MTM1: variants seen among roughly 807,000 people sequenced by gnomAD.
MTM1 encodes the protein myotubularin 1, also known as myotubularin.
In MTM1, 9 loss-of-function variants were observed where a neutral mutation model predicts 52.1. The observed-to-expected ratio is 0.17, with a 90% CI of 0.10 to 0.30. The LOEUF (loss-of-function observed/expected upper bound fraction) is 0.30, where lower values mean the gene tolerates loss of function less well. MTM1 is among the 10% of genes least tolerant of loss of function. MTM1 has a pLI of 1.00. For missense variants in MTM1, 277 were observed against 470.7 expected (o/e 0.59, Z 3.81); for synonymous variants, 136 against 163.8 (o/e 0.83, Z 1.29).
At chrX:150,600,199 C>G (rs1057513376) in intron 4 of MTM1, among the ~76,000 whole-genome samples, 13 of 111,666 alleles carry the variant, frequency 1.2e-4, no homozygotes, top group Non-Finnish European at 2.4e-4. Context: ...AGAAGACATG[C>G]ATTTCCAATG....
At chrX:150,603,579 A>G (rs1276389543) in intron 4 of MTM1, among the ~76,000 whole-genome samples, 3 of 111,954 alleles carry the variant, frequency 2.7e-5, no homozygotes, top group Non-Finnish European at 3.8e-5. Flanking sequence ...GAGTTGAACA[A>G]ACTTTCACTT....
At chrX:150,580,965 T>C (rs2038572089) in intron 1 of MTM1, among the ~76,000 whole-genome samples, 1 of 111,952 alleles carries the variant, frequency 8.9e-6, no homozygotes, top group African/African-American at 3.2e-5. Flanking sequence ...AAAAGCCCCA[T>C]GTAGAGGAAG....
intron 1 of MTM1, among the ~76,000 whole-genome samples, chrX:150,586,913 CAA>C (rs10618246): frequency 2.0e-4 from 12 of 60,689 alleles, no homozygotes; most frequent in Non-Finnish European, 1.2e-4. Flanking sequence ...CACTCTGTCT[CAA>C]AAAAAAAAAA....
At chrX:150,649,350 G>A (rs1251305761) in intron 9 of MTM1, among the ~76,000 whole-genome samples, 9 of 112,460 alleles carry the variant, frequency 8.0e-5, no homozygotes, top group Admixed American at 6.6e-4. Flanking sequence ...GCTGCCTCCC[G>A]CCTTCCCCCT....
chrX:150,667,714 C>T (rs1423078811), intron 14 of MTM1, among the ~76,000 whole-genome samples: 1 of 112,228 alleles, frequency 8.9e-6, no homozygotes, highest in African/African-American at 3.2e-5. Flanking sequence ...TCACAGTGAT[C>T]ATAGGGAGAA....
intron 9 of MTM1, among the ~76,000 whole-genome samples, chrX:150,647,193 G>GAA (rs1434771542): frequency 4.4e-5 from 1 of 22,677 alleles, no homozygotes; most frequent in Non-Finnish European, 6.5e-5. Context: ...ATTTCAGGGT[G>GAA]AATATATATA....
intron 1 of MTM1, among the ~76,000 whole-genome samples, chrX:150,583,173 A>G (rs1557411954): frequency 2.6e-5 from 2 of 76,041 alleles, no homozygotes; most frequent in Non-Finnish European, 4.5e-5. Context: ...ATATTATATA[A>G]ATTATAAATA....
intron 4 of MTM1, among the ~76,000 whole-genome samples, chrX:150,606,689 C>T (rs184090147): frequency 7.2e-5 from 8 of 111,614 alleles, no homozygotes; most frequent in Admixed American, 4.7e-4. Flanking sequence ...TTACACCTTT[C>T]TCCTCTGGAG....
intron 9 of MTM1, among the ~76,000 whole-genome samples, chrX:150,646,951 C>G (rs1213974577): frequency 9.0e-5 from 10 of 111,223 alleles, no homozygotes; most frequent in Admixed American, 8.6e-4. Context: ...CACATTTAAT[C>G]CTGGGCCACC....
chrX:150,630,813 A>G (rs781910693), intron 6 of MTM1, among the ~76,000 whole-genome samples: 1 of 111,717 alleles, frequency 9.0e-6, no homozygotes, highest in African/African-American at 3.3e-5. Context: ...GACTCACTGG[A>G]CTCATATTGT....
chrX:150,642,258 G>T (rs782226590), intron 8 of MTM1, among the ~76,000 whole-genome samples: 1 of 110,630 alleles, frequency 9.0e-6, no homozygotes, highest in Non-Finnish European at 1.9e-5. Flanking sequence ...TAATTCACTT[G>T]TTATACACTT....
chrX:150,642,427 A>C (rs1557413875), intron 8 of MTM1, among the ~76,000 whole-genome samples: 1 of 112,308 alleles, frequency 8.9e-6, no homozygotes, highest in East Asian at 2.8e-4. Context: ...TTTACCCATT[A>C]AAATTAATAA....
At chrX:150,650,528 T>C (rs1557414159) in intron 10 of MTM1, among the ~76,000 whole-genome samples, 1 of 111,575 alleles carries the variant, frequency 9.0e-6, no homozygotes, top group East Asian at 2.8e-4. Flanking sequence ...ACCCTTCATC[T>C]GCAAGTGGTG....
intron 14 of MTM1, among the ~76,000 whole-genome samples, chrX:150,667,275 C>T (rs1321555007): frequency 8.1e-5 from 9 of 111,717 alleles, no homozygotes; most frequent in Non-Finnish European, 1.7e-4. Flanking sequence ...CTTCTTCAGG[C>T]ACTCAGGTAT....
intron 6 of MTM1, among the ~76,000 whole-genome samples, chrX:150,636,291 CAT>C (rs1215578228): frequency 9.0e-6 from 1 of 111,267 alleles, no homozygotes; most frequent in Non-Finnish European, 1.9e-5. Context: ...TTTTATAAAA[CAT>C]ATTAAGGAAG....
In MTM1 at chrX:150,569,295, C is replaced by G. The variant is rs782331117; in HGVS notation, c.-11+633C>G. 2.6e-5 allele frequency among the ~76,000 whole-genome samples: 3 copies of G among 113,622 alleles called. No homozygotes were observed. The South Asian group carries it at 1.1e-3, about 40-fold the overall frequency. Reference sequence around the variant, plus strand: ...GGAAGTATGTACAGGCACGAGCAAGCGCCCGTGGCCGGGTTGCCTCCCTTA... The same window carrying G: ...GGAAGTATGTACAGGCACGAGCAAGGGCCCGTGGCCGGGTTGCCTCCCTTA... On this transcript the variant is annotated intron_variant, in intron 1 of 14. Coordinates refer to ENST00000370396, the MANE Select transcript of MTM1 (RefSeq NM_000252.3).
At chrX:150,562,772 C>G in the MTM1 span, among the ~76,000 whole-genome samples, 411 of 111,956 alleles carry the variant, frequency 3.7e-3, no homozygotes, top group Non-Finnish European at 6.2e-3. Context: ...CTCAAGGAGG[C>G]TCCAACTTAA....
intron 1 of MTM1, among the ~76,000 whole-genome samples, chrX:150,583,792 TAAAA>T (rs2038708996): frequency 2.0e-5 from 1 of 50,574 alleles, no homozygotes; most frequent in African/African-American, 7.3e-5. Context: ...AAAATATATA[TAAAA>T]TATATATTAA....
intron 4 of MTM1, among the ~76,000 whole-genome samples, chrX:150,605,034 C>T (rs2066719693): frequency 1.8e-5 from 2 of 111,435 alleles, no homozygotes; most frequent in Admixed American, 1.9e-4. Flanking sequence ...ATCCCCACCC[C>T]ATCTCTGCCA....
Sources: gnomAD v4.1 joint callset for allele counts (sites outside exome capture counted in the v4.1 genomes callset) on GRCh38, gnomAD v4.1.1 for gene constraint, MANE v1.5 for transcripts, NCBI Gene and HGNC (gene_info 2026-07-23, HGNC 2026-07-21) for gene names.